Variants in SPAG16 observed in about 807,000 individuals in gnomAD.
The protein encoded by SPAG16 is sperm associated antigen 16.
SPAG16 carries 86 observed loss-of-function variants against 80.4 expected under a neutral mutation model. That is an observed-to-expected ratio of 1.07 (90% confidence interval 0.90 to 1.28). The LOEUF (loss-of-function observed/expected upper bound fraction) is 1.28, where lower values mean the gene tolerates loss of function less well. SPAG16 is among the 50% of genes most tolerant of loss of function. The pLI, the probability that SPAG16 is intolerant of heterozygous loss-of-function variation, is 0.00. For synonymous variants in SPAG16, 294 were observed against 265.9 expected (o/e 1.11, Z -1.03); for missense variants, 870 against 765.3 (o/e 1.14, Z -1.61).
chr2:213,577,246 T>C (rs921546357), intron 10 of SPAG16, among the ~76,000 whole-genome samples: 3 of 152,186 alleles, frequency 2.0e-5, no homozygotes, highest in African/African-American at 7.2e-5. Flanking sequence ...TAATCCTAGA[T>C]AACCAGAAGT....
chr2:214,314,942 C>A, intron 15 of SPAG16, among the ~76,000 whole-genome samples: 1 of 149,174 alleles, frequency 6.7e-6, no homozygotes, highest in African/African-American at 2.5e-5. Context: ...GAAGGTTAAA[C>A]CAATATGATA....
At chr2:213,663,132 C>T (rs1041066226) in intron 10 of SPAG16, among the ~76,000 whole-genome samples, 3 of 152,022 alleles carry the variant, frequency 2.0e-5, no homozygotes, top group African/African-American at 2.4e-5. Flanking sequence ...ACTGTATGAT[C>T]AGATCTGTTG....
chr2:214,295,087 TA>T (rs1023591987), intron 15 of SPAG16, among the ~76,000 whole-genome samples: 8 of 152,156 alleles, frequency 5.3e-5, no homozygotes, highest in Non-Finnish European at 8.8e-5. Flanking sequence ...AGGAGTAAAA[TA>T]AATAGTACCC....
intron 15 of SPAG16, among the ~76,000 whole-genome samples, chr2:214,404,369 G>GT (rs1475565161): frequency 2.0e-5 from 3 of 152,152 alleles, no homozygotes; most frequent in African/African-American, 7.2e-5. Flanking sequence ...ACATAAGATG[G>GT]TTGGATCTAA....
At chr2:214,317,358 A>G (rs73084986) in intron 15 of SPAG16, among the ~76,000 whole-genome samples, 3,067 of 152,326 alleles carry the variant, frequency 0.02, 104 homozygotes, top group African/African-American at 0.069. Flanking sequence ...CACATACTCC[A>G]TTGAAAACAG....
chr2:214,038,858 CA>C (rs1458252730), intron 13 of SPAG16, among the ~76,000 whole-genome samples: 2 of 152,144 alleles, frequency 1.3e-5, no homozygotes, highest in Non-Finnish European at 2.9e-5. Context: ...CATGTGCCTA[CA>C]AAGGACATGA....
chr2:213,717,269 C>T (rs1044180015), intron 10 of SPAG16, among the ~76,000 whole-genome samples: 4 of 151,318 alleles, frequency 2.6e-5, no homozygotes, highest in South Asian at 4.2e-4. Context: ...TGCCATTCTC[C>T]GGCCTCAGGC....
At chr2:213,991,591 C>CGCT (rs1432904676) in intron 12 of SPAG16, among the ~76,000 whole-genome samples, 5 of 152,086 alleles carry the variant, frequency 3.3e-5, no homozygotes, top group African/African-American at 1.2e-4. Context: ...ACTTGTCCCA[C>CGCT]GCTGCATTTC....
chr2:213,496,861 T>C (rs1399931633), intron 10 of SPAG16, among the ~76,000 whole-genome samples: 2 of 151,506 alleles, frequency 1.3e-5, no homozygotes, highest in Non-Finnish European at 2.9e-5. Flanking sequence ...GATATGTATT[T>C]TTCCAATGGA....
intron 10 of SPAG16, among the ~76,000 whole-genome samples, chr2:213,833,507 TATATAATATATATAA>T (rs2073855040): frequency 4.4e-4 from 1 of 2,266 alleles, no homozygotes; most frequent in African/African-American, 1.2e-3. Context: ...ATATATATTA[TATATAATATATATAA>T]TATATATATT....
At chr2:214,054,319 C>T (rs549917916) in intron 13 of SPAG16, among the ~76,000 whole-genome samples, 2 of 152,248 alleles carry the variant, frequency 1.3e-5, no homozygotes, top group African/African-American at 4.8e-5. Flanking sequence ...CCTCACTTCC[C>T]CGTTTTAAAA....
At position 214,077,814 on chromosome 2, in the gene SPAG16, T is replaced by C. The variant is rs189297304; in HGVS notation, c.1528-30382T>C. Among the ~76,000 whole-genome samples the C allele has an allele frequency of 6.6e-5, 10 of 152,348 alleles. No individual in the cohort carries two copies. In the East Asian group the frequency reaches 1.9e-3, roughly 29 times the overall value. On this transcript the variant is annotated intron_variant, in intron 13 of 15. Transcript: ENST00000331683. ...TCCCTCCCAGGATTAGTCAGAGTCA[T>C]AGTTTTCCCTGCATTCTGCCCACCA...
At chr2:213,351,199 T>A (rs947024658) in intron 7 of SPAG16, among the ~76,000 whole-genome samples, 1 of 152,134 alleles carries the variant, frequency 6.6e-6, no homozygotes, top group African/African-American at 2.4e-5. Context: ...TAGCAGATTA[T>A]TAAATTATAG....
intron 9 of SPAG16, among the ~76,000 whole-genome samples, chr2:213,420,679 C>T (rs1237705604): frequency 6.6e-6 from 1 of 152,092 alleles, no homozygotes; most frequent in Non-Finnish European, 1.5e-5. Flanking sequence ...TCTTATAGTT[C>T]TTTTAATAAC....
At chr2:213,441,134 C>T (rs1177642368) in intron 9 of SPAG16, among the ~76,000 whole-genome samples, 1 of 152,166 alleles carries the variant, frequency 6.6e-6, no homozygotes, top group Non-Finnish European at 1.5e-5. Flanking sequence ...CTTCTGGATA[C>T]CTGCATACAA....
chr2:213,528,431 T>A (rs2075961402), intron 10 of SPAG16, among the ~76,000 whole-genome samples: 1 of 152,016 alleles, frequency 6.6e-6, no homozygotes, highest in African/African-American at 2.4e-5. Context: ...TATATTAACT[T>A]TTAAATTTTT....
At position 213,703,046 on chromosome 2, in the gene SPAG16, G is replaced by C. The variant is rs143358365; in HGVS notation, c.1071-159439G>C. Among the ~76,000 whole-genome samples, 232 of 152,268 alleles carry C rather than the reference G, an allele frequency of 1.5e-3. 2 individuals carry two copies. The highest frequency in any genetic ancestry group is 5.1e-3 in the African/African-American group (212 of 41,558). On this transcript the variant is annotated intron_variant, in intron 10 of 15. Coordinates refer to ENST00000331683, the MANE Select transcript of SPAG16 (RefSeq NM_024532.5). ...CCATGAAATGTCCATAGAAGTGGAG[G>C]GTGTCACTTCCTGGAAGACGTTTTA...
chr2:213,889,896 T>C (rs1482431663), intron 11 of SPAG16, among the ~76,000 whole-genome samples: 1 of 151,886 alleles, frequency 6.6e-6, no homozygotes, highest in Non-Finnish European at 1.5e-5. Flanking sequence ...TGTAAAGTGT[T>C]TTGTACCCTC....
chr2:213,340,840 C>A (rs1559428713), intron 6 of SPAG16, among the ~76,000 whole-genome samples: 1 of 152,066 alleles, frequency 6.6e-6, no homozygotes, highest in African/African-American at 2.4e-5. Flanking sequence ...CCTACAAAAA[C>A]AAGAAAATAA....
Sources: gnomAD v4.1 joint callset for allele counts (sites outside exome capture counted in the v4.1 genomes callset) on GRCh38, gnomAD v4.1.1 for gene constraint, MANE v1.5 for transcripts, NCBI Gene and HGNC (gene_info 2026-07-23, HGNC 2026-07-21) for gene names.